DLG5: variants seen among roughly 807,000 people sequenced by gnomAD.
DLG5 encodes the protein disks large homolog 5.
A neutral mutation model predicts 189.8 loss-of-function variants in DLG5; 48 were observed. The observed-to-expected ratio is 0.25, with a 90% confidence interval of 0.20 to 0.32. The LOEUF (loss-of-function observed/expected upper bound fraction) is 0.32. DLG5 is among the 10% of genes least tolerant of loss of function. The probability of loss-of-function intolerance (pLI) is 1.00; values close to 1 mark genes in which losing one functional copy is unlikely to be tolerated. For missense variants in DLG5, 2,160 were observed against 2,544.7 expected (o/e 0.85, Z 3.25); for synonymous variants, 1,016 against 1,054.1 (o/e 0.96, Z 0.70).
rs1840640508 is a variant in DLG5 at position 77,791,438 on chromosome 10, TTTTTA to T, written c.*997_*1001del. 1 of 152,350 alleles carries T rather than the reference TTTTTA, an allele frequency of 6.6e-6. No homozygotes were observed. 9.4% of individuals were successfully genotyped at this position (152,350 alleles called of 1,614,324 possible). A position where few individuals can be genotyped will look rare whatever the true frequency, so the allele number is the denominator to read the frequency against. On this transcript the variant is annotated 3_prime_UTR_variant, in exon 32 of 32. Coordinates refer to ENST00000372391, the MANE Select transcript of DLG5 (RefSeq NM_004747.4). ...AAGATTAAAAAGACCTCAGTTTTTCTTTTTAGACTGTTGATAGTGACAATAACCAT... is the reference window on the plus strand; with the variant it reads ...AAGATTAAAAAGACCTCAGTTTTTCTGACTGTTGATAGTGACAATAACCAT...
chr10:77,873,530 A>G (rs898399532), intron 1 of DLG5, among the ~76,000 whole-genome samples: 1 of 152,068 alleles, frequency 6.6e-6, no homozygotes, highest in Admixed American at 6.6e-5. Context: ...GGTCACGAAG[A>G]CCACTTCAAA....
chr10:77,880,765 T>C (rs559596399), intron 1 of DLG5, among the ~76,000 whole-genome samples: 94 of 152,284 alleles, frequency 6.2e-4, no homozygotes, highest in African/African-American at 2.2e-3. Context: ...TATTGAGTAC[T>C]TGTTGCAAGA....
chr10:77,890,218 G>A (rs1845565877), intron 1 of DLG5, among the ~76,000 whole-genome samples: 1 of 152,202 alleles, frequency 6.6e-6, no homozygotes, highest in Admixed American at 6.5e-5. Flanking sequence ...TTCTCAAAGA[G>A]GGATGCCCCT....
Position 77,854,361 on chromosome 10 carries a change from G to A in DLG5, c.546C>T (p.His182=). ...GCCTCTCATAGTCAGGATTCAGCCT[G>A]TGGTAGGGCCTGGCCCAGAGAGCGA... ...HGTAFDKRPY[H]RLNPDYERLK... Residue 182 remains histidine, a synonymous_variant, in exon 4 of 32, where the codon CAC becomes CAT. Transcript: ENST00000372391. 1.9e-6 allele frequency: 3 copies of A among 1,614,050 alleles called. No homozygotes were observed. The highest frequency in any genetic ancestry group is 4.5e-5 in the East Asian group (2 of 44,882).
chr10:77,839,742 C>T (rs1418305657), intron 7 of DLG5, among the ~76,000 whole-genome samples: 1 of 152,138 alleles, frequency 6.6e-6, no homozygotes, highest in African/African-American at 2.4e-5. Flanking sequence ...GGATGATTAC[C>T]AAATTCTAAT....
intron 27 of DLG5, among the ~76,000 whole-genome samples, chr10:77,798,397 A>G (rs1285011984): frequency 1.3e-5 from 2 of 152,046 alleles, no homozygotes; most frequent in East Asian, 1.9e-4. Context: ...CTCCGAGAGG[A>G]GTTTACATAA....
At position 77,873,032 on chromosome 10, in the gene DLG5, C is replaced by CGT. The variant is rs544706228; in HGVS notation, c.305-3836_305-3835insAC. On this transcript the variant is annotated intron_variant, in intron 1 of 31. Coordinates refer to ENST00000372391, the MANE Select transcript of DLG5 (RefSeq NM_004747.4). Reference sequence around the variant, plus strand: ...CTCCTGATGTGTGTGTGTGTGTGTGCACACACACACACACACACACGAGAG... The same window carrying CGT: ...CTCCTGATGTGTGTGTGTGTGTGTGCGTACACACACACACACACACACGAGAG... 6.0e-3 allele frequency among the ~76,000 whole-genome samples: 356 copies of CGT among 59,082 alleles called. 2 individuals carry two copies. The highest frequency in any genetic ancestry group is 0.056 in the South Asian group (111 of 1,974). The allele number at this position is 59,082 out of a possible 152,430, so 38.8% of individuals were successfully genotyped here.
Position 77,794,794 on chromosome 10 carries a change from T to A in DLG5, c.5546+55A>T, listed in dbSNP as rs568359098. The A allele has an allele frequency of 3.3e-5, 49 of 1,486,512 alleles. 1 individual carries two copies. In the Middle Eastern group the frequency reaches 5.2e-4, roughly 16 times the overall value. The allele number at this position is 1,486,512 out of a possible 1,614,324, so 92.1% of individuals were successfully genotyped here. A position where few individuals can be genotyped will look rare whatever the true frequency, so the allele number is the denominator to read the frequency against. On this transcript the variant is annotated intron_variant, in intron 30 of 31. Transcript: ENST00000372391. Reference sequence around the variant, plus strand: ...AACACACCCTGCTCCCTACTTGGGCTCCCAGCCCCACCTGTGACAAGGCCC... The same window carrying A: ...AACACACCCTGCTCCCTACTTGGGCACCCAGCCCCACCTGTGACAAGGCCC...
intron 1 of DLG5, among the ~76,000 whole-genome samples, chr10:77,892,794 A>G (rs920597703): frequency 5.3e-5 from 8 of 152,246 alleles, no homozygotes; most frequent in African/African-American, 1.7e-4. Flanking sequence ...AAATATATAC[A>G]GTATTTGTCC....
chr10:77,939,707 T>C, the DLG5 span, among the ~76,000 whole-genome samples: 69 of 152,150 alleles, frequency 4.5e-4, no homozygotes, highest in African/African-American at 1.6e-3. Context: ...AGCTGCCAGA[T>C]GGAACACTGG....
At position 77,821,430 on chromosome 10, in the gene DLG5, C is replaced by G; in HGVS notation, c.3054G>C (p.Arg1018Ser). ...TGTGCTGGAACTTAATGGAGTCGCT[C>G]CTTCTGGGAGGTTTTGGGGGTGTCA... is the stretch of plus-strand genomic sequence containing the variant. ...GPLTPPKPPR[R>S]SDSIKFQHRL... Residue 1018 changes from arginine to serine, a missense_variant, in exon 15 of 32, where the codon AGG (arginine) becomes AGC (serine). By Grantham distance (110) the Arg-to-Ser change is moderately radical (BLOSUM62 -1). This residue lies in a region of DLG5 where 754 missense variants were observed against 746.5 expected (regional missense o/e 1.01). Transcript: ENST00000372391. 6.2e-7 allele frequency: 1 copy of G among 1,612,220 alleles called. No individual in the cohort carries two copies. Among genetic ancestry groups the G allele is most frequent in the Non-Finnish European group, 8.5e-7 (1 of 1,179,850 alleles).
At chr10:77,838,622 C>G (rs1005954948) in intron 7 of DLG5, among the ~76,000 whole-genome samples, 8 of 152,194 alleles carry the variant, frequency 5.3e-5, no homozygotes, top group Non-Finnish European at 1.0e-4. Flanking sequence ...GAAAATGGAG[C>G]AAGACGTGCA....
At position 77,862,781 on chromosome 10, in the gene DLG5, A is replaced by G. The variant is rs564745976; in HGVS notation, c.374-5889T>C. Among the ~76,000 whole-genome samples, 5 of 152,316 alleles carry G rather than the reference A, an allele frequency of 3.3e-5. No individual in the cohort carries two copies. In the South Asian group the frequency reaches 1.0e-3, roughly 32 times the overall value. Reference sequence around the variant, plus strand: ...GCGGACACACACAGGGTGTGGGGGAAGCTGGAATGCCCTGCGTTAATCAAA... The same window carrying G: ...GCGGACACACACAGGGTGTGGGGGAGGCTGGAATGCCCTGCGTTAATCAAA... On this transcript the variant is annotated intron_variant, in intron 2 of 31. Coordinates refer to ENST00000372391, the MANE Select transcript of DLG5 (RefSeq NM_004747.4).
At chr10:77,877,360 A>C (rs140078599) in intron 1 of DLG5, among the ~76,000 whole-genome samples, 44 of 152,276 alleles carry the variant, frequency 2.9e-4, no homozygotes, top group African/African-American at 1.0e-3. Context: ...AAATAAAATA[A>C]AACTAGCACA....
chr10:77,855,190 A>G (rs1438104979), intron 3 of DLG5, among the ~76,000 whole-genome samples: 1 of 152,180 alleles, frequency 6.6e-6, no homozygotes, highest in African/African-American at 2.4e-5. Flanking sequence ...CCAATGTGCA[A>G]CCAAGGTTAA....
At position 77,814,461 on chromosome 10, in the gene DLG5, TTATATATATATA is replaced by T. The variant is rs59297524; in HGVS notation, c.4025+2078_4026-2085del. Among the ~76,000 whole-genome samples the T allele has an allele frequency of 7.1e-3, 500 of 70,728 alleles. 2 individuals carry two copies. Among genetic ancestry groups the T allele is most frequent in the Middle Eastern group, 0.014 (1 of 72 alleles). The allele number at this position is 70,728 out of a possible 152,430, so 46.4% of individuals were successfully genotyped here. Reference sequence around the variant, plus strand: ...TATGTACATAAATAATAAAGCATGTTTATATATATATATATATATATATATATATATATATAT... The same window carrying T: ...TATGTACATAAATAATAAAGCATGTTTATATATATATATATATATATATAT... On this transcript the variant is annotated intron_variant, in intron 20 of 31. Coordinates refer to ENST00000372391, the MANE Select transcript of DLG5 (RefSeq NM_004747.4).
chr10:77,892,312 A>C (rs1845634053), intron 1 of DLG5, among the ~76,000 whole-genome samples: 1 of 152,226 alleles, frequency 6.6e-6, no homozygotes, highest in Non-Finnish European at 1.5e-5. Context: ...TGGCCATGCA[A>C]AACAAATGTA....
At position 77,809,589 on chromosome 10, in the gene DLG5, G is replaced by C. The variant is rs777226542; in HGVS notation, c.4605C>G (p.Ala1535=). The stretch of plus-strand genomic sequence containing the variant: ...CTGGCACGAGGCCGTCAGGACCCTT[G>C]GCAGGACTGTCATCCTCCACCTCGG... ...FVAEVEDDSP[A]KGPDGLVPGD... Residue 1535 remains alanine, a synonymous_variant, in exon 24 of 32, where the codon GCC becomes GCG. Transcript: ENST00000372391. 2.0e-5 allele frequency: 33 copies of C among 1,614,032 alleles called. No homozygotes were observed. Among genetic ancestry groups the C allele is most frequent in the Non-Finnish European group, 2.7e-5 (32 of 1,180,034 alleles).
intron 1 of DLG5, among the ~76,000 whole-genome samples, chr10:77,876,547 A>AT (rs1845096207): frequency 6.6e-6 from 1 of 150,458 alleles, no homozygotes; most frequent in Non-Finnish European, 1.5e-5. Flanking sequence ...GCTATTTTGT[A>AT]TTTTTTAGTA....
Sources: allele counts gnomAD v4.1 joint callset (sites outside exome capture counted in the v4.1 genomes callset), GRCh38; gene constraint gnomAD v4.1.1; regional missense constraint gnomAD v4.1.1; transcripts MANE v1.5; gene names NCBI Gene and HGNC (gene_info 2026-07-23, HGNC 2026-07-21).